The following XRN1 variants were observed in gnomAD, a reference collection of about 807,000 sequenced individuals.
The protein encoded by XRN1 is 5'-3' exoribonuclease 1.
In XRN1, 67 loss-of-function variants were observed where a neutral mutation model predicts 222.3. That is an observed-to-expected ratio of 0.30 (90% confidence interval 0.25 to 0.37). The LOEUF (loss-of-function observed/expected upper bound fraction) is 0.37, where lower values mean the gene tolerates loss of function less well. XRN1 is among the 10% of genes least tolerant of loss of function. The pLI is 1.00. For missense variants in XRN1, 1,707 were observed against 2,000.2 expected (o/e 0.85, Z 2.80); for synonymous variants, 643 against 652.4 (o/e 0.99, Z 0.22).
At chr3:142,346,853 G>A (rs1273646684) in intron 33 of XRN1, among the ~76,000 whole-genome samples, 1 of 152,136 alleles carries the variant, frequency 6.6e-6, no homozygotes, top group East Asian at 1.9e-4. Context: ...AGGGCCGACT[G>A]AACATGCTAC....
chr3:142,348,452 C>T (rs576520363), intron 32 of XRN1, among the ~76,000 whole-genome samples: 2 of 152,184 alleles, frequency 1.3e-5, no homozygotes, highest in East Asian at 1.9e-4. Flanking sequence ...AGCAAAATGG[C>T]ATAAATTTCA....
chr3:142,318,601 G>A lies in XRN1; in HGVS notation c.4612C>T (p.Pro1538Ser). The change falls in exon 39 of 41, where the codon CCA (proline) becomes TCA (serine). Residue 1538 changes from proline to serine, a missense_variant. Physicochemically the swap from Pro to Ser is moderately conservative, Grantham distance 74. Transcript: ENST00000392981. ...PPGTIPPAFP[P>S]PTANIMPSSS... ...ATGAAAAATATCTTACCAGTAGGTG[G>A]GGGAAAGGCTGGAGGAATGGTTCCA... 6.2e-7 allele frequency: 1 copy of A among 1,605,012 alleles called. No homozygotes were observed.
chr3:142,432,172 T>A (rs1216959327), intron 2 of XRN1, among the ~76,000 whole-genome samples: 2 of 122,890 alleles, frequency 1.6e-5, no homozygotes, highest in Non-Finnish European at 3.3e-5. Context: ...TATAAATATA[T>A]AAAATGTTTT....
intron 29 of XRN1, among the ~76,000 whole-genome samples, chr3:142,361,442 G>T (rs1033215019): frequency 2.0e-5 from 3 of 152,164 alleles, no homozygotes; most frequent in African/African-American, 7.2e-5. Context: ...ATGCTATGAT[G>T]TATGTTTAAC....
intron 2 of XRN1, 98 bp downstream of exon 2, chr3:142,432,563 T>C (rs2069676649): frequency 8.6e-7 from 1 of 1,162,344 alleles, no homozygotes; most frequent in Non-Finnish European, 1.2e-6. Context: ...ACGCAGAAAA[T>C]AAACATGAAC....
At position 142,387,493 on chromosome 3, in the gene XRN1, A is replaced by G. The variant is rs140281710; in HGVS notation, c.2340-2808T>C. 1.7e-4 allele frequency among the ~76,000 whole-genome samples: 26 copies of G among 152,218 alleles called. No homozygotes were observed. The East Asian group carries it at 4.4e-3, about 26-fold the overall frequency. On this transcript the variant is annotated intron_variant, in intron 20 of 40. Transcript: ENST00000392981. ...ATAATTCGCAAGTATTTTTTGCTCC[A>G]TATGTATACAGCCATTCTTTGGGAG...
At chr3:142,320,160 A>G (rs1481359534) in intron 37 of XRN1, among the ~76,000 whole-genome samples, 1 of 152,220 alleles carries the variant, frequency 6.6e-6, no homozygotes, top group Non-Finnish European at 1.5e-5. Flanking sequence ...TACTGTTTTC[A>G]TACAGGTTGT....
At position 142,389,941 on chromosome 3, in the gene XRN1, T is replaced by C. The variant is rs540339581; in HGVS notation, c.2340-5256A>G. On this transcript the variant is annotated intron_variant, in intron 20 of 40. Coordinates refer to ENST00000392981, the MANE Select transcript of XRN1 (RefSeq NM_001282857.2). ...TGTTGTGTTTGCATGTGTGAAAACA[T>C]TATCTCCTTGCATATCTCCATCAGA... is the stretch of plus-strand genomic sequence containing the variant. 9.8e-5 allele frequency among the ~76,000 whole-genome samples: 15 copies of C among 152,352 alleles called. No individual in the cohort carries two copies. The East Asian group carries it at 2.9e-3, about 29-fold the overall frequency.
intron 39 of XRN1, 80 bp from the exon 40 acceptor site, chr3:142,312,838 G>C: frequency 7.0e-7 from 1 of 1,424,922 alleles, no homozygotes; most frequent in South Asian, 1.4e-5. Flanking sequence ...CCTTCTGCTA[G>C]CCTTTTTGGG....
At chr3:142,420,554 T>G (rs770540870) in intron 10 of XRN1, among the ~76,000 whole-genome samples, 37 of 152,002 alleles carry the variant, frequency 2.4e-4, no homozygotes, top group Non-Finnish European at 4.7e-4. Context: ...GTTTTTTTAG[T>G]AGAGATGGGG....
intron 19 of XRN1, among the ~76,000 whole-genome samples, chr3:142,398,367 GTT>G (rs79496846): frequency 2.9e-5 from 4 of 139,798 alleles, no homozygotes; most frequent in Admixed American, 1.4e-4. Context: ...TATCTACAAA[GTT>G]TTTTTTTTTT....
Position 142,423,542 on chromosome 3 carries a change from A to G in XRN1, c.710+18T>C, listed in dbSNP as rs2069123693. 1 of 1,569,674 alleles carries G rather than the reference A, an allele frequency of 6.4e-7. No homozygotes were observed. Among genetic ancestry groups the G allele is most frequent in the Non-Finnish European group, 8.6e-7 (1 of 1,159,292 alleles). On this transcript the variant is annotated intron_variant, in intron 6 of 40. Transcript: ENST00000392981. ...AGGCGTAATTTCTTTCTTCCAACAT[A>G]TATGCTATATAATTTACCGTTGTGT... is the stretch of plus-strand genomic sequence containing the variant.
At position 142,438,389 on chromosome 3, in the gene XRN1, C is replaced by T. The variant is rs111941276; in HGVS notation, c.76-5496G>A. Among the ~76,000 whole-genome samples, 806 of 152,102 alleles carry T rather than the reference C, an allele frequency of 5.3e-3. 8 individuals carry two copies. Among genetic ancestry groups the T allele is most frequent in the African/African-American group, 0.018 (759 of 41,476 alleles). ...CCCTTTTCTTTGTGGTCAAGAGAGG[C>T]GGGAAAACAGGTGCAGGACTGCTAC... On this transcript the variant is annotated intron_variant, in intron 1 of 40. Coordinates refer to ENST00000392981, the MANE Select transcript of XRN1 (RefSeq NM_001282857.2).
chr3:142,436,423 G>C (rs1373601019), intron 1 of XRN1, among the ~76,000 whole-genome samples: 1 of 152,146 alleles, frequency 6.6e-6, no homozygotes, highest in East Asian at 1.9e-4. Context: ...GAAAAGTCGT[G>C]GAGCTAGAAA....
intron 33 of XRN1, among the ~76,000 whole-genome samples, chr3:142,343,187 C>T (rs543260674): frequency 1.4e-4 from 21 of 151,908 alleles, no homozygotes; most frequent in African/African-American, 3.6e-4. Context: ...CTCAGCCAGG[C>T]GCTCACACCT....
intron 33 of XRN1, 35 bp downstream of exon 33, chr3:142,347,199 C>G: frequency 7.5e-7 from 1 of 1,336,412 alleles, no homozygotes; most frequent in Non-Finnish European, 1.1e-6. Flanking sequence ...AAAGAAGCAG[C>G]ACACACAAGT....
Position 142,376,492 on chromosome 3 carries a change from C to T in XRN1, c.2818G>A (p.Gly940Arg), listed in dbSNP as rs1286936067. ...RFTGSIFIGR[G>R]SRRNPHGDHK... is the part of the protein sequence containing the mutation. The stretch of plus-strand genomic sequence containing the variant: ...ACATAAACTTACTTTCTCCTAGATC[C>T]TCTTCCAATAAAAATACTTCCTGTA... The change falls in exon 24 of 41, where the codon GGA becomes AGA. Residue 940 changes from glycine to arginine, a missense_variant. By Grantham distance (125) the Gly-to-Arg change is moderately radical (BLOSUM62 -2). This residue lies in a region of XRN1 where 1,234 missense variants were observed against 1,518.2 expected (regional missense o/e 0.81). Coordinates refer to ENST00000392981, the MANE Select transcript of XRN1 (RefSeq NM_001282857.2). The T allele has an allele frequency of 2.5e-6, 4 of 1,611,724 alleles. No homozygotes were observed. Among genetic ancestry groups the T allele is most frequent in the African/African-American group, 2.7e-5 (2 of 74,770 alleles).
At chr3:142,404,630 G>T (rs2068276746) in intron 16 of XRN1, among the ~76,000 whole-genome samples, 1 of 151,914 alleles carries the variant, frequency 6.6e-6, no homozygotes. Flanking sequence ...CAAAATGCAG[G>T]GATATACATT....
intron 33 of XRN1, among the ~76,000 whole-genome samples, chr3:142,339,793 C>A (rs919155165): frequency 1.2e-4 from 19 of 152,034 alleles, no homozygotes; most frequent in Admixed American, 1.2e-3. Context: ...CAAGACCCTG[C>A]CTCAAAAACA....
Sources: gnomAD v4.1 joint callset for allele counts (sites outside exome capture counted in the v4.1 genomes callset) on GRCh38, gnomAD v4.1.1 for gene constraint, gnomAD v4.1.1 regional missense constraint, MANE v1.5 for transcripts, NCBI Gene and HGNC (gene_info 2026-07-23, HGNC 2026-07-21) for gene names.